SUSD4: variants seen among roughly 807,000 people sequenced by gnomAD.
SUSD4 encodes sushi domain-containing protein 4.
Under a neutral mutation model 50.5 loss-of-function variants are expected in SUSD4, and 41 were observed. That is an observed-to-expected ratio of 0.81 (90% CI 0.63 to 1.05). SUSD4 has a LOEUF of 1.05. Among genes scored for constraint, SUSD4 ranks in the 50% least tolerant of loss-of-function variants. SUSD4 has a pLI of 0.00. For missense variants in SUSD4, 580 were observed against 634.7 expected (o/e 0.91, Z 0.93); for synonymous variants, 257 against 257.3 (o/e 1.00, Z 0.01).
At chr1:223,278,099 T>G (rs1191071200) in intron 3 of SUSD4, among the ~76,000 whole-genome samples, 1 of 152,172 alleles carries the variant, frequency 6.6e-6, no homozygotes, top group Non-Finnish European at 1.5e-5. Context: ...CCAAGATGGC[T>G]GAATAGGAAC....
chr1:223,365,136 G>A (rs1354366867), upstream of SUSD4, among the ~76,000 whole-genome samples: 1 of 152,112 alleles, frequency 6.6e-6, no homozygotes, highest in African/African-American at 2.4e-5. Context: ...TAGATGGGAA[G>A]CCAAGGGGGT....
intron 3 of SUSD4, among the ~76,000 whole-genome samples, chr1:223,279,392 T>C (rs1311622899): frequency 6.6e-6 from 1 of 152,162 alleles, no homozygotes; most frequent in Admixed American, 6.5e-5. Flanking sequence ...CTGATGTTGC[T>C]GAAAACCATG....
At chr1:223,296,477 G>C (rs942560588) in intron 2 of SUSD4, among the ~76,000 whole-genome samples, 5 of 152,190 alleles carry the variant, frequency 3.3e-5, no homozygotes, top group Non-Finnish European at 7.3e-5. Context: ...GCATGAGCCA[G>C]AAGTTCTGCA....
intron 3 of SUSD4, among the ~76,000 whole-genome samples, chr1:223,279,687 T>G (rs563334984): frequency 4.6e-5 from 7 of 152,184 alleles, no homozygotes; most frequent in African/African-American, 1.7e-4. Flanking sequence ...CAGGAGAACT[T>G]CCCCATTCTA....
At chr1:223,267,072 C>A in intron 4 of SUSD4, among the ~76,000 whole-genome samples, 1 of 152,280 alleles carries the variant, frequency 6.6e-6, no homozygotes, top group East Asian at 1.9e-4. Context: ...AACCGACTGG[C>A]TCTGTTGTTG....
At chr1:223,339,007 A>G (rs1667607942) in intron 2 of SUSD4, among the ~76,000 whole-genome samples, 1 of 152,214 alleles carries the variant, frequency 6.6e-6, no homozygotes, top group Admixed American at 6.5e-5. Context: ...AGAGATGGGA[A>G]GAGGCCAAGA....
Position 223,222,030 on chromosome 1 carries a change from G to T in SUSD4, c.*162C>A, listed in dbSNP as rs894784347. ...TTTAAAAGCACTGCCATTGCAGTTT[G>T]TCAGCCTCACTGTGGAGCCTGAGAT... is the stretch of plus-strand genomic sequence containing the variant. On this transcript the variant is annotated 3_prime_UTR_variant, in exon 9 of 9. Transcript: ENST00000366878. The T allele has an allele frequency of 1.3e-5, 9 of 670,890 alleles. No individual in the cohort carries two copies. The highest frequency in any genetic ancestry group is 2.3e-5 in the Non-Finnish European group (9 of 395,700). The allele number at this position is 670,890 out of a possible 1,614,324, so 41.6% of individuals were successfully genotyped here.
intron 3 of SUSD4, among the ~76,000 whole-genome samples, chr1:223,281,350 TAAA>T (rs1035703708): frequency 2.3e-4 from 35 of 151,644 alleles, no homozygotes; most frequent in African/African-American, 7.5e-4. Flanking sequence ...GCAAGACTAA[TAAA>T]GAAGAAAAGA....
chr1:223,226,879 TA>T (rs1412563460), intron 7 of SUSD4, among the ~76,000 whole-genome samples: 1 of 152,224 alleles, frequency 6.6e-6, no homozygotes, highest in Non-Finnish European at 1.5e-5. Context: ...TTTTGCTGTC[TA>T]AACTACTTCT....
At chr1:223,364,408 G>A (rs1026756549), upstream of SUSD4, among the ~76,000 whole-genome samples, 5 of 147,786 alleles carry the variant, frequency 3.4e-5, no homozygotes, top group African/African-American at 1.2e-4. The surrounding 1 kb of genome is among the most constrained non-coding windows in gnomAD (Gnocchi z 4.5). Flanking sequence ...GCGGGCGCGC[G>A]AGCACGCGCC....
intron 2 of SUSD4, among the ~76,000 whole-genome samples, chr1:223,333,430 AAC>A (rs1248792479): frequency 2.0e-5 from 3 of 152,156 alleles, no homozygotes; most frequent in Non-Finnish European, 4.4e-5. Context: ...TTTTTTCTGA[AAC>A]AAATTAAAAT....
chr1:223,267,836 C>T (rs1319570583), intron 4 of SUSD4, among the ~76,000 whole-genome samples: 2 of 151,412 alleles, frequency 1.3e-5, no homozygotes, highest in East Asian at 1.9e-4. Context: ...GTTCTTTGGT[C>T]GAAGTCACAC....
intron 7 of SUSD4, among the ~76,000 whole-genome samples, chr1:223,226,319 G>A (rs1278354570): frequency 6.6e-6 from 1 of 152,240 alleles, no homozygotes; most frequent in African/African-American, 2.4e-5. Flanking sequence ...AGCTTGCTAT[G>A]GCACCAGGAT....
chr1:223,263,756 G>A (rs1662286631), intron 5 of SUSD4: 2 of 985,434 alleles, frequency 2.0e-6, no homozygotes, highest in Non-Finnish European at 2.4e-6. Flanking sequence ...ACACAGAGGT[G>A]CACACTTGTA....
chr1:223,286,448 G>A (rs1262104316), intron 3 of SUSD4, among the ~76,000 whole-genome samples: 6 of 152,004 alleles, frequency 3.9e-5, no homozygotes, highest in South Asian at 2.1e-4. Context: ...ACAGGGTTTC[G>A]TCATGTTGAC....
chr1:223,293,123 G>A (rs1664603559), intron 2 of SUSD4, among the ~76,000 whole-genome samples: 1 of 152,126 alleles, frequency 6.6e-6, no homozygotes, highest in Non-Finnish European at 1.5e-5. Flanking sequence ...GCTGGGGACT[G>A]GAAGACGGCA....
chr1:223,358,170 C>G (rs975048869), intron 2 of SUSD4, among the ~76,000 whole-genome samples: 1 of 152,186 alleles, frequency 6.6e-6, no homozygotes, highest in African/African-American at 2.4e-5. Context: ...CAACGCTTAT[C>G]TGAATGTTTT....
intron 2 of SUSD4, among the ~76,000 whole-genome samples, chr1:223,293,954 C>T (rs1328015861): frequency 6.6e-6 from 1 of 151,932 alleles, no homozygotes; most frequent in Non-Finnish European, 1.5e-5. Flanking sequence ...TGGATGAAGG[C>T]AGATCCCTGA....
At chr1:223,279,590 C>A (rs1400338370) in intron 3 of SUSD4, among the ~76,000 whole-genome samples, 2 of 152,112 alleles carry the variant, frequency 1.3e-5, no homozygotes, top group African/African-American at 4.8e-5. Flanking sequence ...GGACTATGTG[C>A]AAAGACCAAA....
Sources: gnomAD v4.1 joint callset for allele counts (sites outside exome capture counted in the v4.1 genomes callset) on GRCh38, gnomAD v4.1.1 for gene constraint, Gnocchi (gnomAD v3.1) non-coding constraint, MANE v1.5 for transcripts, NCBI Gene and HGNC (gene_info 2026-07-23, HGNC 2026-07-21) for gene names.